The following CPD variants were observed in gnomAD, a reference collection of about 807,000 sequenced individuals.
The protein encoded by CPD is carboxypeptidase D, also known as metallocarboxypeptidase D.
In CPD, 69 loss-of-function variants were observed where a neutral mutation model predicts 138.3. The observed-to-expected ratio is 0.50, with a 90% CI of 0.41 to 0.61. The LOEUF (loss-of-function observed/expected upper bound fraction) is 0.61. Among genes scored for constraint, CPD ranks in the 20% least tolerant of loss-of-function variants. CPD has a pLI of 0.00. For missense variants in CPD, 1,432 were observed against 1,733.3 expected (o/e 0.83, Z 3.09); for synonymous variants, 651 against 642.1 (o/e 1.01, Z -0.21).
chr17:30,436,213 T>G (rs1376107448), intron 8 of CPD, among the ~76,000 whole-genome samples: 1 of 152,118 alleles, frequency 6.6e-6, no homozygotes, highest in African/African-American at 2.4e-5. Flanking sequence ...CTTGGGAGGC[T>G]GAGGCCGAAG....
intron 1 of CPD, among the ~76,000 whole-genome samples, chr17:30,383,895 A>G (rs1279421873): frequency 6.6e-6 from 1 of 152,216 alleles, no homozygotes; most frequent in Non-Finnish European, 1.5e-5. Flanking sequence ...TTAAGCTGTT[A>G]TATAAGGGAA....
Position 30,379,531 on chromosome 17 carries a change from C to G in CPD, c.551C>G (p.Pro184Arg). 6.4e-7 allele frequency: 1 copy of G among 1,563,650 alleles called. No homozygotes were observed. Among genetic ancestry groups the G allele is most frequent in the Non-Finnish European group, 8.6e-7 (1 of 1,161,430 alleles). The change falls in exon 1 of 21, where the codon CCC (proline) becomes CGC (arginine). Residue 184 changes from proline (P) to arginine (R), a missense_variant. By Grantham distance (103) the Pro-to-Arg change is moderately radical. This residue lies in a region of CPD where 484 missense variants were observed against 477.2 expected (regional missense o/e 1.01). Coordinates refer to ENST00000225719, the MANE Select transcript of CPD (RefSeq NM_001304.5). The surrounding 1 kb of genome is among the most constrained non-coding windows in gnomAD (Gnocchi z 7.0). ...GTGTACCTGCTGCCCAGCCTCAACC[C>G]CGATGGCTTCGAGCGTGCCCGCGAG... ...TDVYLLPSLN[P>R]DGFERAREGD...
chr17:30,428,408 T>C (rs1912478024), intron 7 of CPD, among the ~76,000 whole-genome samples: 1 of 152,224 alleles, frequency 6.6e-6, no homozygotes, highest in Non-Finnish European at 1.5e-5. Flanking sequence ...TTCAGGATTA[T>C]TCACAATAAC....
chr17:30,425,574 T>C (rs1412484284), intron 6 of CPD, among the ~76,000 whole-genome samples: 1 of 151,708 alleles, frequency 6.6e-6, no homozygotes, highest in Non-Finnish European at 1.5e-5. Flanking sequence ...AAGAATTGCT[T>C]TAACCTGGGA....
At chr17:30,397,830 T>C (rs1252399262) in intron 2 of CPD, among the ~76,000 whole-genome samples, 1 of 149,038 alleles carries the variant, frequency 6.7e-6, no homozygotes, top group Non-Finnish European at 1.5e-5. Context: ...AGAAATCAAA[T>C]CTCTGGCATT....
At chr17:30,418,729 C>G (rs1041641053) in intron 2 of CPD, among the ~76,000 whole-genome samples, 3 of 152,088 alleles carry the variant, frequency 2.0e-5, no homozygotes, top group African/African-American at 7.2e-5. Flanking sequence ...AAACAAAACG[C>G]TTGGCGTTAT....
chr17:30,459,227 A>G (rs926833516), intron 17 of CPD, among the ~76,000 whole-genome samples: 2 of 66,684 alleles, frequency 3.0e-5, no homozygotes, highest in Non-Finnish European at 6.3e-5. Flanking sequence ...TTTATTATTT[A>G]TTATTTATTT....
chr17:30,419,631 G>A (rs1298847505), intron 2 of CPD, among the ~76,000 whole-genome samples: 1 of 148,428 alleles, frequency 6.7e-6, no homozygotes, highest in East Asian at 1.9e-4. Flanking sequence ...ATGGGCCATT[G>A]CACCCAGCCT....
intron 2 of CPD, among the ~76,000 whole-genome samples, chr17:30,408,143 TTCTAAGGCCTCTGTTCTGTTCTGTATCTG>T (rs1251379533): frequency 1.3e-5 from 2 of 152,174 alleles, no homozygotes; most frequent in Non-Finnish European, 2.9e-5. Flanking sequence ...GTGGTGTTAT[TTCTAAGGCCTCTGTTCTGTTCTGTATCTG>T]TTTTGGTACC....
chr17:30,379,668 C>G lies in CPD; in HGVS notation c.688C>G (p.Pro230Ala). The G allele has an allele frequency of 6.6e-7, 1 of 1,525,216 alleles. No individual in the cohort carries two copies. Among genetic ancestry groups the G allele is most frequent in the Non-Finnish European group, 8.7e-7 (1 of 1,153,030 alleles). 94.5% of individuals were successfully genotyped at this position (1,525,216 alleles called of 1,614,324 possible). A position where few individuals can be genotyped will look rare whatever the true frequency, so the allele number is the denominator to read the frequency against. ...CGACCAGTTTAGCACCGGCGAACCC[C>G]CCGCCCTGGACGAGGTGCCCGAGGT... Reference protein sequence around the residue: ...FPDQFSTGEPPALDEVPEVRA... With the variant: ...FPDQFSTGEPAALDEVPEVRA... Residue 230 changes from proline to alanine, a missense_variant, in exon 1 of 21, where the codon CCC becomes GCC. By Grantham distance (27) the Pro-to-Ala change is conservative (BLOSUM62 -1). Coordinates refer to ENST00000225719, the MANE Select transcript of CPD (RefSeq NM_001304.5). The surrounding 1 kb of genome is among the most constrained non-coding windows in gnomAD (Gnocchi z 7.0).
At chr17:30,460,923 C>G (rs1913454980) in intron 17 of CPD, among the ~76,000 whole-genome samples, 1 of 152,200 alleles carries the variant, frequency 6.6e-6, no homozygotes, top group East Asian at 1.9e-4. Flanking sequence ...CTACCTGGCA[C>G]TACCAGGCAC....
At chr17:30,416,414 G>A (rs984964664) in intron 2 of CPD, among the ~76,000 whole-genome samples, 2 of 152,202 alleles carry the variant, frequency 1.3e-5, no homozygotes, top group South Asian at 4.1e-4. Flanking sequence ...TGTAAAAATG[G>A]TTAATATGGT....
intron 2 of CPD, among the ~76,000 whole-genome samples, chr17:30,411,187 C>T (rs1027939090): frequency 6.6e-6 from 1 of 152,130 alleles, no homozygotes; most frequent in African/African-American, 2.4e-5. Context: ...ATATTGGCCC[C>T]CACTCTCTTC....
At chr17:30,413,016 T>G (rs748824916) in intron 2 of CPD, among the ~76,000 whole-genome samples, 2 of 152,218 alleles carry the variant, frequency 1.3e-5, no homozygotes, top group African/African-American at 2.4e-5. Flanking sequence ...TATTCGGCCA[T>G]CTTGGAAGTG....
rs149447917 is a variant in CPD at position 30,459,750 on chromosome 17, A to G, written c.3499-1430A>G. Among the ~76,000 whole-genome samples, 247 of 152,284 alleles carry G rather than the reference A, an allele frequency of 1.6e-3. 1 individual carries two copies. Among genetic ancestry groups the G allele is most frequent in the African/African-American group, 5.5e-3 (229 of 41,552 alleles). ...GTATATCACTTTGTGTAGTATTGAC[A>G]TCTCTACAATATTGTCCTCCTATCC... On this transcript the variant is annotated intron_variant, in intron 17 of 20. Coordinates refer to ENST00000225719, the MANE Select transcript of CPD (RefSeq NM_001304.5).
chr17:30,424,641 C>G (rs533621326), intron 6 of CPD, among the ~76,000 whole-genome samples: 1 of 152,322 alleles, frequency 6.6e-6, no homozygotes, highest in South Asian at 2.1e-4. Flanking sequence ...ACTCTCAGTT[C>G]TACTCCCTCT....
intron 12 of CPD, 23 bp from the exon 13 acceptor site, chr17:30,449,530 T>A: frequency 6.4e-7 from 1 of 1,557,718 alleles, no homozygotes; most frequent in Non-Finnish European, 8.6e-7. Flanking sequence ...CTTGCTGATT[T>A]TTTTGTTTCT....
intron 8 of CPD, among the ~76,000 whole-genome samples, chr17:30,435,336 C>T (rs2143448815): frequency 6.6e-6 from 1 of 151,660 alleles, no homozygotes; most frequent in Admixed American, 6.6e-5. Context: ...ACTGAGAACC[C>T]AGGAATAAAT....
chr17:30,414,088 T>C (rs1383972814), intron 2 of CPD, among the ~76,000 whole-genome samples: 2 of 152,148 alleles, frequency 1.3e-5, no homozygotes, highest in South Asian at 2.1e-4. Flanking sequence ...AGCTGGGTGA[T>C]GGGGATCAAA....
Sources: gnomAD v4.1 joint callset for allele counts (sites outside exome capture counted in the v4.1 genomes callset) on GRCh38, gnomAD v4.1.1 for gene constraint, gnomAD v4.1.1 regional missense constraint, Gnocchi (gnomAD v3.1) non-coding constraint, MANE v1.5 for transcripts, NCBI Gene and HGNC (gene_info 2026-07-23, HGNC 2026-07-21) for gene names.